The following CDC14A variants were observed in gnomAD, a reference collection of about 807,000 sequenced individuals.
CDC14A encodes cell division cycle 14A.
In CDC14A, 53 loss-of-function variants were observed where a neutral mutation model predicts 74.4. The observed-to-expected ratio is 0.71, with a 90% CI of 0.57 to 0.89. CDC14A has a LOEUF of 0.89. Ranked by LOEUF, CDC14A falls within the 40% of genes least tolerant of loss-of-function variation. CDC14A has a pLI of 0.00. For synonymous variants in CDC14A, 247 were observed against 258.4 expected (o/e 0.96, Z 0.43); for missense variants, 646 against 713.7 (o/e 0.91, Z 1.08).
chr1:100,426,133 G>A (rs1288939920), intron 5 of CDC14A, among the ~76,000 whole-genome samples: 1 of 152,124 alleles, frequency 6.6e-6, no homozygotes, highest in Non-Finnish European at 1.5e-5. Flanking sequence ...AATAGTAGTA[G>A]TAATTATTAT....
intron 2 of CDC14A, 96 bp from the exon 3 acceptor site, chr1:100,377,450 T>A: frequency 1.2e-6 from 1 of 806,412 alleles, no homozygotes; most frequent in South Asian, 1.6e-5. Context: ...AATTGAAATT[T>A]GATTGTAAAT....
chr1:100,425,358 A>G (rs1034886239), intron 5 of CDC14A, among the ~76,000 whole-genome samples: 5 of 152,212 alleles, frequency 3.3e-5, no homozygotes, highest in Non-Finnish European at 7.3e-5. Flanking sequence ...AATGAGCGAA[A>G]GGAATGGGAG....
At chr1:100,363,702 T>G (rs1212467600) in intron 2 of CDC14A, among the ~76,000 whole-genome samples, 2 of 152,176 alleles carry the variant, frequency 1.3e-5, no homozygotes, top group Admixed American at 6.5e-5. Flanking sequence ...TGATGTACTT[T>G]AGTAATGCAT....
chr1:100,393,578 G>T, intron 4 of CDC14A: 7 of 719,444 alleles, frequency 9.7e-6, no homozygotes, highest in Non-Finnish European at 1.8e-5. Context: ...TAGTAGGTTG[G>T]TATCTGCGAG....
intron 4 of CDC14A, among the ~76,000 whole-genome samples, chr1:100,413,832 A>C (rs1661184320): frequency 6.6e-6 from 1 of 152,234 alleles, no homozygotes; most frequent in Admixed American, 6.5e-5. Flanking sequence ...AAAGTTATGC[A>C]TTTTGAAGCA....
chr1:100,494,802 G>A lies in CDC14A; in HGVS notation c.1138-16G>A, dbSNP rs1249765319. 16 of 1,472,540 alleles carry A rather than the reference G, an allele frequency of 1.1e-5. No individual in the cohort carries two copies. Among genetic ancestry groups the A allele is most frequent in the Non-Finnish European group, 1.3e-5 (14 of 1,052,242 alleles). 91.2% of individuals were successfully genotyped at this position (1,472,540 alleles called of 1,614,324 possible). On this transcript the variant is annotated splice_polypyrimidine_tract_variant and intron_variant, in intron 11 of 15. Transcript: ENST00000336454. The stretch of plus-strand genomic sequence containing the variant: ...CCAAATTTTGACCTTTCTATGGAAC[G>A]TGTATTTTTTTCCAGGATAACTTAG...
At chr1:100,435,753 G>C (rs915390071) in intron 5 of CDC14A, among the ~76,000 whole-genome samples, 24 of 150,306 alleles carry the variant, frequency 1.6e-4, no homozygotes, top group Non-Finnish European at 2.9e-4. Flanking sequence ...GAACCCGGGA[G>C]GCAGAGGTTG....
At chr1:100,381,631 G>C (rs1444093074) in intron 3 of CDC14A, among the ~76,000 whole-genome samples, 3 of 152,014 alleles carry the variant, frequency 2.0e-5, no homozygotes, top group African/African-American at 7.2e-5. Context: ...ATTTGAGTTG[G>C]TGATTTATCG....
intron 4 of CDC14A, among the ~76,000 whole-genome samples, chr1:100,408,989 T>C (rs1660316055): frequency 6.6e-6 from 1 of 152,200 alleles, no homozygotes. Flanking sequence ...AAATATCTCC[T>C]TATCCCCTGT....
intron 10 of CDC14A, among the ~76,000 whole-genome samples, chr1:100,468,774 C>G (rs1668098171): frequency 6.6e-6 from 1 of 152,162 alleles, no homozygotes; most frequent in South Asian, 2.1e-4. Context: ...TAGAATGTAT[C>G]TCAATGTACT....
chr1:100,433,554 C>T (rs575046573), intron 5 of CDC14A, among the ~76,000 whole-genome samples: 3 of 152,282 alleles, frequency 2.0e-5, no homozygotes, highest in South Asian at 2.1e-4. Flanking sequence ...ACAGTCATTT[C>T]CAAAATTTCT....
intron 4 of CDC14A, among the ~76,000 whole-genome samples, chr1:100,403,885 TGG>T (rs1449820894): frequency 6.6e-6 from 1 of 152,196 alleles, no homozygotes; most frequent in Non-Finnish European, 1.5e-5. Flanking sequence ...TTTCTAAGTG[TGG>T]GCTGAAAAGT....
chr1:100,466,429 C>T (rs1571263707), intron 9 of CDC14A, among the ~76,000 whole-genome samples: 1 of 152,240 alleles, frequency 6.6e-6, no homozygotes, highest in Non-Finnish European at 1.5e-5. Context: ...AAATCTTAAT[C>T]ATAAAGGGAG....
chr1:100,371,502 A>G (rs1478876440), intron 2 of CDC14A, among the ~76,000 whole-genome samples: 1 of 152,192 alleles, frequency 6.6e-6, no homozygotes, highest in Non-Finnish European at 1.5e-5. Flanking sequence ...GATTTTTACC[A>G]TGAACGGATG....
chr1:100,465,675 G>A (rs550915952), intron 9 of CDC14A, among the ~76,000 whole-genome samples: 1 of 152,344 alleles, frequency 6.6e-6, no homozygotes, highest in East Asian at 1.9e-4. Context: ...AGATAAACTA[G>A]AAACCAATTT....
At chr1:100,513,836 AC>A (rs1649978078) in intron 15 of CDC14A, among the ~76,000 whole-genome samples, 1 of 152,066 alleles carries the variant, frequency 6.6e-6, no homozygotes, top group Non-Finnish European at 1.5e-5. Context: ...CTTACCTAAC[AC>A]TTTGTTTTAT....
In CDC14A at chr1:100,508,931, T is replaced by C. The variant is rs989851542; in HGVS notation, c.1756-9320T>C. On this transcript the variant is annotated intron_variant, in intron 15 of 15. Coordinates refer to ENST00000336454, the MANE Select transcript of CDC14A (RefSeq NM_003672.4). This position sits in a 1 kb window ranked among gnomAD's most constrained non-coding sequence, Gnocchi z 4.4. ...TCATCTTTAAAAAATATTTAATGCA[T>C]GCATCCAGAGGGTAGTTTGGAGTGT... Among the ~76,000 whole-genome samples, 1 of 152,186 alleles carries C rather than the reference T, an allele frequency of 6.6e-6. No homozygotes were observed. Among genetic ancestry groups the C allele is most frequent in the Non-Finnish European group, 1.5e-5 (1 of 68,026 alleles).
Position 100,462,755 on chromosome 1 carries a change from A to G in CDC14A, c.712A>G (p.Thr238Ala). ...AAAGATTTATGAGGCAAAGCGCTTC[A>G]CAGACGCTGGCTTCGAGCACTATGA... is the stretch of plus-strand genomic sequence containing the variant. ...NKKIYEAKRF[T>A]DAGFEHYDLF... The change falls in exon 9 of 16, where the codon ACA (threonine) becomes GCA (alanine). Residue 238 changes from threonine (T) to alanine (A), a missense_variant. Physicochemically the swap from Thr to Ala is moderately conservative, Grantham distance 58. Coordinates refer to ENST00000336454, the MANE Select transcript of CDC14A (RefSeq NM_003672.4). The G allele has an allele frequency of 6.2e-7, 1 of 1,614,160 alleles. No individual in the cohort carries two copies. The highest frequency in any genetic ancestry group is 1.1e-5 in the South Asian group (1 of 91,088).
chr1:100,499,315 G>T, intron 15 of CDC14A, 53 bp downstream of exon 15: 2 of 1,614,106 alleles, frequency 1.2e-6, no homozygotes, highest in South Asian at 1.1e-5. Flanking sequence ...TGCAACTTCT[G>T]TGCCTTGCCT....
Sources: gnomAD v4.1 joint callset for allele counts (sites outside exome capture counted in the v4.1 genomes callset) on GRCh38, gnomAD v4.1.1 for gene constraint, Gnocchi (gnomAD v3.1) non-coding constraint, MANE v1.5 for transcripts, NCBI Gene and HGNC (gene_info 2026-07-23, HGNC 2026-07-21) for gene names.